The following RBAK variants were observed in gnomAD, a reference collection of about 807,000 sequenced individuals.
RBAK encodes the protein RB associated KRAB zinc finger.
RBAK carries 39 observed loss-of-function variants against 65.8 expected under a neutral mutation model. The ratio of observed to expected loss-of-function variants is 0.59; its 90% confidence interval spans 0.46 to 0.77. The LOEUF (loss-of-function observed/expected upper bound fraction) is 0.77. Ranked by LOEUF, RBAK falls within the 30% of genes least tolerant of loss-of-function variation. The pLI, the probability that RBAK is intolerant of heterozygous loss-of-function variation, is 0.00. For synonymous variants in RBAK, 343 were observed against 289.7 expected (o/e 1.18, Z -1.87); for missense variants, 884 against 855.1 (o/e 1.03, Z -0.42).
chr7:5,055,073 T>C (rs1788197345), intron 2 of RBAK, among the ~76,000 whole-genome samples: 1 of 152,166 alleles, frequency 6.6e-6, no homozygotes, highest in Non-Finnish European at 1.5e-5. Flanking sequence ...TGAGCCACCG[T>C]GCCCGAGCAC....
At position 5,045,934 on chromosome 7, in the gene RBAK, A is replaced by C; in HGVS notation, c.-507A>C. 1 of 341,514 alleles carries C rather than the reference A, an allele frequency of 2.9e-6. No individual in the cohort carries two copies. The highest frequency in any genetic ancestry group is 5.6e-6 in the Non-Finnish European group (1 of 179,518). The allele number at this position is 341,514 out of a possible 1,614,324, so 21.2% of individuals were successfully genotyped here. A position where few individuals can be genotyped will look rare whatever the true frequency, so the allele number is the denominator to read the frequency against. ...CAGGCTTTGGCCTCCAGTGGACGAGAATCGCGGAGCCTGCGGGGCTGGAGG... is the reference window on the plus strand; with the variant it reads ...CAGGCTTTGGCCTCCAGTGGACGAGCATCGCGGAGCCTGCGGGGCTGGAGG... On this transcript the variant is annotated 5_prime_UTR_variant, in exon 1 of 5. Coordinates refer to ENST00000396912, the MANE Select transcript of RBAK (RefSeq NM_021163.4).
At chr7:5,060,437 G>C (rs531007004) in intron 4 of RBAK, among the ~76,000 whole-genome samples, 10 of 152,328 alleles carry the variant, frequency 6.6e-5, no homozygotes, top group African/African-American at 2.4e-4. Flanking sequence ...TAGGAAATAA[G>C]ATAAAAGCTG....
At position 5,068,586 on chromosome 7, in the gene RBAK, A is replaced by G. The variant is rs1382782615; in HGVS notation, c.*2985A>G. ...GAAAAAGCATCACGTTTTGGCAAGG[A>G]TGTAAGCAAGAGGAACTGTACACTA... On this transcript the variant is annotated 3_prime_UTR_variant, in exon 5 of 5. Coordinates refer to ENST00000396912, the MANE Select transcript of RBAK (RefSeq NM_021163.4). 1 of 152,222 alleles carries G rather than the reference A, an allele frequency of 6.6e-6. No individual in the cohort carries two copies. The highest frequency in any genetic ancestry group is 2.4e-5 in the African/African-American group (1 of 41,458). 9.4% of individuals were successfully genotyped at this position (152,222 alleles called of 1,614,324 possible). A position where few individuals can be genotyped will look rare whatever the true frequency, so the allele number is the denominator to read the frequency against.
Position 5,057,239 on chromosome 7 carries a change from GT to G in RBAK, c.16-54del, listed in dbSNP as rs878957877. 8.1e-5 allele frequency: 130 copies of G among 1,612,886 alleles called. 2 individuals are homozygous for G. In the South Asian group the frequency reaches 1.3e-3, roughly 16 times the overall value. On this transcript the variant is annotated intron_variant, in intron 2 of 4. Coordinates refer to ENST00000396912, the MANE Select transcript of RBAK (RefSeq NM_021163.4). Reference sequence around the variant, plus strand: ...ACTTTACCGGTGGGCTTTGTAAAACGTTATCCCCCTATCCCTTTTCCGTATC... The same window carrying G: ...ACTTTACCGGTGGGCTTTGTAAAACGTATCCCCCTATCCCTTTTCCGTATC...
intron 4 of RBAK, among the ~76,000 whole-genome samples, chr7:5,058,178 G>A (rs1192679937): frequency 6.6e-6 from 1 of 152,104 alleles, no homozygotes; most frequent in Non-Finnish European, 1.5e-5. Flanking sequence ...AGGTTCAAGC[G>A]ATTCTCCTTC....
At chr7:5,047,601 CTTTTTTTTTTTT>C (rs1037439035) in intron 1 of RBAK, among the ~76,000 whole-genome samples, 32 of 100,916 alleles carry the variant, frequency 3.2e-4, no homozygotes, top group East Asian at 2.7e-3. Context: ...TTTTCACTCT[CTTTTTTTTTTTT>C]TTTTTTTTTT....
chr7:5,057,743 A>T lies in RBAK; in HGVS notation c.202A>T (p.Ile68Leu). ...GTTGGAGCAGGGAGAGGAGCCGTGG[A>T]TAATGGGAGGTGAATTTCCATGTCA... is the stretch of plus-strand genomic sequence containing the variant. ...IKLEQGEEPWIMGGEFPCQHS... is the reference protein window; with the variant it reads ...IKLEQGEEPWLMGGEFPCQHS... Residue 68 changes from isoleucine (I) to leucine (L), a missense_variant, in exon 4 of 5, where the codon ATA becomes TTA. Ile to Leu is a conservative substitution (Grantham distance 5, BLOSUM62 2). Transcript: ENST00000396912. The T allele has an allele frequency of 6.2e-7, 1 of 1,613,926 alleles. No individual in the cohort carries two copies. Among genetic ancestry groups the T allele is most frequent in the Non-Finnish European group, 8.5e-7 (1 of 1,179,826 alleles).
At chr7:5,058,454 C>T (rs1340347997) in intron 4 of RBAK, among the ~76,000 whole-genome samples, 1 of 152,150 alleles carries the variant, frequency 6.6e-6, no homozygotes, top group African/African-American at 2.4e-5. Flanking sequence ...TTTTATCTTC[C>T]ATTTTCTTTC....
chr7:5,054,935 T>C (rs13229433), intron 2 of RBAK, among the ~76,000 whole-genome samples: 19,803 of 150,662 alleles, frequency 0.13, 1,419 homozygotes, highest in South Asian at 0.21. Flanking sequence ...ATAATACAAC[T>C]AATTTTTTTT....
At chr7:5,050,281 AG>A (rs1788087573) in intron 2 of RBAK, among the ~76,000 whole-genome samples, 1 of 152,174 alleles carries the variant, frequency 6.6e-6, no homozygotes, top group Admixed American at 6.5e-5. Flanking sequence ...GGTTATCCTC[AG>A]TTTGGATTGT....
intron 4 of RBAK, 29 bp from the exon 5 acceptor site, chr7:5,063,666 A>G: frequency 6.6e-7 from 1 of 1,514,604 alleles, no homozygotes. Context: ...TCAGATTTAC[A>G]AAGTTTGTTT....
chr7:5,066,482 A>C lies in RBAK; in HGVS notation c.*881A>C, dbSNP rs1779221007. Reference sequence around the variant, plus strand: ...AGAACAAGCATACTGCCCATACTCTAAAATATCCCCAGCTCTCACACCACC... The same window carrying C: ...AGAACAAGCATACTGCCCATACTCTCAAATATCCCCAGCTCTCACACCACC... On this transcript the variant is annotated 3_prime_UTR_variant, in exon 5 of 5. Coordinates refer to ENST00000396912, the MANE Select transcript of RBAK (RefSeq NM_021163.4). 1 of 152,168 alleles carries C rather than the reference A, an allele frequency of 6.6e-6. No homozygotes were observed. The highest frequency in any genetic ancestry group is 2.1e-4 in the South Asian group (1 of 4,822). The allele number at this position is 152,168 out of a possible 1,614,324, so 9.4% of individuals were successfully genotyped here.
chr7:5,057,503 T>C (rs1475452683), intron 3 of RBAK, 82 bp downstream of exon 3: 3 of 1,612,182 alleles, frequency 1.9e-6, no homozygotes, highest in South Asian at 1.1e-5. Flanking sequence ...ATGACACCAT[T>C]TAATTCCTTG....
At chr7:5,049,877 C>T (rs1788078378) in intron 2 of RBAK, among the ~76,000 whole-genome samples, 3 of 152,042 alleles carry the variant, frequency 2.0e-5, no homozygotes, top group South Asian at 2.1e-4. Flanking sequence ...GCTGCCACAC[C>T]CGACTAATTT....
Position 5,048,120 on chromosome 7 carries a change from C to T in RBAK, c.15+29C>T, listed in dbSNP as rs1456616436. 1.3e-6 allele frequency: 2 copies of T among 1,581,722 alleles called. No homozygotes were observed. The highest frequency in any genetic ancestry group is 1.7e-6 in the Non-Finnish European group (2 of 1,168,782). On this transcript the variant is annotated intron_variant, in intron 2 of 4. Transcript: ENST00000396912. This position sits in a 1 kb window ranked among gnomAD's most constrained non-coding sequence, Gnocchi z 4.4. ...AGTTTTCATGCTTGTGTATATGTTC[C>T]TCAACTTTATTTTATGATGCATTTT...
At chr7:5,046,821 C>T (rs1302162210) in intron 1 of RBAK, among the ~76,000 whole-genome samples, 3 of 152,120 alleles carry the variant, frequency 2.0e-5, no homozygotes, top group Non-Finnish European at 4.4e-5. Flanking sequence ...GCCTCAGTTG[C>T]TAGGGGAAGA....
intron 2 of RBAK, among the ~76,000 whole-genome samples, chr7:5,056,464 T>G (rs1189261112): frequency 1.3e-5 from 2 of 150,860 alleles, no homozygotes; most frequent in Non-Finnish European, 2.9e-5. Flanking sequence ...CATTGGTACT[T>G]TGTACACCTC....
chr7:5,046,275 G>C lies in RBAK; in HGVS notation c.-166G>C, dbSNP rs761953414. ...CTTAGGCCCGGCCCGGGCCCCTCGG[G>C]AGCAGAACAACCTTAGTGAGGTGGA... On this transcript the variant is annotated 5_prime_UTR_variant, in exon 1 of 5. Transcript: ENST00000396912. 7.7e-6 allele frequency: 4 copies of C among 516,448 alleles called. No individual in the cohort carries two copies. In the East Asian group the frequency reaches 2.2e-4, roughly 28 times the overall value. 32.0% of individuals were successfully genotyped at this position (516,448 alleles called of 1,614,324 possible).
rs1779258001 is a variant in RBAK, at chr7:5,067,844, C to T, written c.*2243C>T. ...TGTAGTGGGGGAAAGGGTGTTCTTT[C>T]CAGTAAATGTACTTTGCCAATAAAA... On this transcript the variant is annotated 3_prime_UTR_variant, in exon 5 of 5. Transcript: ENST00000396912. 1 of 152,070 alleles carries T rather than the reference C, an allele frequency of 6.6e-6. No individual in the cohort carries two copies. The highest frequency in any genetic ancestry group is 1.5e-5 in the Non-Finnish European group (1 of 68,002). The allele number at this position is 152,070 out of a possible 1,614,324, so 9.4% of individuals were successfully genotyped here.
Sources: allele counts gnomAD v4.1 joint callset (sites outside exome capture counted in the v4.1 genomes callset), GRCh38; gene constraint gnomAD v4.1.1; non-coding constraint Gnocchi (gnomAD v3.1); transcripts MANE v1.5; gene names NCBI Gene and HGNC (gene_info 2026-07-23, HGNC 2026-07-21).